The following SETD1B variants were observed in gnomAD, a reference collection of about 807,000 sequenced individuals.
SETD1B encodes the protein histone-lysine N-methyltransferase SETD1B.
Under a neutral mutation model 148.0 loss-of-function variants are expected in SETD1B, and 7 were observed. The observed-to-expected ratio is 0.05, with a 90% CI of 0.03 to 0.09. The LOEUF is 0.09. Among genes scored for constraint, SETD1B ranks in the 10% least tolerant of loss-of-function variants. SETD1B has a pLI of 1.00. For missense variants in SETD1B, 2,155 were observed against 2,729.9 expected (o/e 0.79, Z 4.69); for synonymous variants, 1,361 against 1,186.5 (o/e 1.15, Z -3.02).
Position 121,825,230 on chromosome 12 carries a change from A to G in SETD1B, c.5201A>G (p.Lys1734Arg), listed in dbSNP as rs2137584288. Residue 1734 changes from lysine to arginine, a missense_variant, in exon 13 of 17, where the codon AAA becomes AGA. Lys to Arg is a conservative substitution (Grantham distance 26). Transcript: ENST00000604567. ...AGCCTCTCTTCAGCTAAGAAGAAGA[A>G]ACGGGACGATGGCATCCGCGAGCAC... The part of the protein sequence containing the change: ...STSLSSAKKK[K>R]RDDGIREHVT... 1.3e-6 allele frequency: 2 copies of G among 1,551,702 alleles called. No individual in the cohort carries two copies. Among genetic ancestry groups the G allele is most frequent in the East Asian group, 4.9e-5 (2 of 40,920 alleles).
chr12:121,821,417 C>T (rs139899494), intron 11 of SETD1B, among the ~76,000 whole-genome samples: 133 of 138,020 alleles, frequency 9.6e-4, no homozygotes, highest in African/African-American at 2.9e-3. Context: ...CCAGCCTGGG[C>T]GATAGAGTGA....
Position 121,804,037 on chromosome 12 carries a change from C to A in SETD1B, c.-211C>A, listed in dbSNP as rs1359109417. 1 of 152,566 alleles carries A rather than the reference C, an allele frequency of 6.6e-6. No homozygotes were observed. Among genetic ancestry groups the A allele is most frequent in the African/African-American group, 2.4e-5 (1 of 41,294 alleles). The allele number at this position is 152,566 out of a possible 1,614,324, so 9.5% of individuals were successfully genotyped here. On this transcript the variant is annotated 5_prime_UTR_variant, in exon 1 of 17. Coordinates refer to ENST00000604567, the MANE Select transcript of SETD1B (RefSeq NM_001353345.2). The surrounding 1 kb of genome is among the most constrained non-coding windows in gnomAD (Gnocchi z 4.6). ...TTGTGGGATGTGCGGCTACTGGGAG[C>A]CGAGCCTCCGCCGCCAGCCGCCTCC... is the stretch of plus-strand genomic sequence containing the variant.
chr12:121,814,849 T>C lies in SETD1B; in HGVS notation c.2634T>C (p.Arg878=). ...AAGAACTCAAGGCCATCATGAAGCG[T>C]GACCTGAACCGCAAGATGGTGGAAG... The part of the protein sequence containing the change: ...VLKELKAIMK[R]DLNRKMVEVV... The change falls in exon 7 of 17, where the codon CGT becomes CGC. Residue 878 remains arginine (R), a synonymous_variant. Transcript: ENST00000604567. The C allele has an allele frequency of 6.4e-7, 1 of 1,551,564 alleles. No homozygotes were observed. Among genetic ancestry groups the C allele is most frequent in the Non-Finnish European group, 8.7e-7 (1 of 1,146,966 alleles).
At chr12:121,826,917 C>T (rs191003430) in intron 13 of SETD1B, among the ~76,000 whole-genome samples, 10 of 151,594 alleles carry the variant, frequency 6.6e-5, no homozygotes, top group East Asian at 3.9e-4. Flanking sequence ...GCTATCACCA[C>T]GAGGCAGCTT....
chr12:121,815,298 A>G (rs994592121), intron 7 of SETD1B, among the ~76,000 whole-genome samples: 3 of 152,300 alleles, frequency 2.0e-5, no homozygotes, highest in South Asian at 2.1e-4. Context: ...ATGAATTAAA[A>G]CAGAGTAAAA....
chr12:121,791,730 G>C, the SETD1B span, among the ~76,000 whole-genome samples: 1 of 152,208 alleles, frequency 6.6e-6, no homozygotes, highest in African/African-American at 2.4e-5. Flanking sequence ...AGGCTGCCCT[G>C]AACAGTGAAC....
chr12:121,814,626 C>T lies in SETD1B; in HGVS notation c.2411C>T (p.Ala804Val). ...CCCTTCATGGCCGCTGCGGCCGCCGCTGCCTCAGCTGGGCTCCAGTTTGTC... is the reference window on the plus strand; with the variant it reads ...CCCTTCATGGCCGCTGCGGCCGCCGTTGCCTCAGCTGGGCTCCAGTTTGTC... Reference protein sequence around the residue: ...YPPFMAAAAAAASAGLQFVNL... With the variant: ...YPPFMAAAAAVASAGLQFVNL... Residue 804 changes from alanine to valine, a missense_variant, in exon 7 of 17, where the codon GCT becomes GTT. Transcript: ENST00000604567. 1 of 1,545,198 alleles carries T rather than the reference C, an allele frequency of 6.5e-7. No individual in the cohort carries two copies. The highest frequency in any genetic ancestry group is 8.7e-7 in the Non-Finnish European group (1 of 1,143,620).
In SETD1B at chr12:121,810,356, G is replaced by A. The variant is rs1040615354; in HGVS notation, c.1411G>A (p.Gly471Ser). 42 of 1,546,822 alleles carry A rather than the reference G, an allele frequency of 2.7e-5. No homozygotes were observed. The highest frequency in any genetic ancestry group is 6.9e-5 in the African/African-American group (5 of 72,956). The change falls in exon 6 of 17, where the codon GGC becomes AGC. Residue 471 changes from glycine (G) to serine (S), a missense_variant. Around this residue, in one of 11 missense-constraint regions of SETD1B, gnomAD observed 376 missense variants for 385.0 expected, o/e 0.98. Transcript: ENST00000604567. This position sits in a 1 kb window ranked among gnomAD's most constrained non-coding sequence, Gnocchi z 7.6. The stretch of plus-strand genomic sequence containing the variant: ...GGAGCTGGGCGGCCGGCCCACCTTC[G>A]GCTGGAGTCCTGAGCCCTGTGACAG... ...SMELGGRPTF[G>S]WSPEPCDSPG...
At chr12:121,797,403 C>G in the SETD1B span, 5 of 452,288 alleles carry the variant, frequency 1.1e-5, no homozygotes, top group Non-Finnish European at 1.8e-5. Flanking sequence ...GGGGCGCCCT[C>G]GAGGGACCAG....
In SETD1B at chr12:121,810,116, C is replaced by T; in HGVS notation, c.1171C>T (p.Pro391Ser). The T allele has an allele frequency of 1.3e-6, 2 of 1,550,190 alleles. No homozygotes were observed. The highest frequency in any genetic ancestry group is 1.7e-4 in the Middle Eastern group (1 of 5,992). The change falls in exon 6 of 17, where the codon CCT becomes TCT. Residue 391 changes from proline to serine, a missense_variant. Coordinates refer to ENST00000604567, the MANE Select transcript of SETD1B (RefSeq NM_001353345.2). This position sits in a 1 kb window ranked among gnomAD's most constrained non-coding sequence, Gnocchi z 7.6. ...TPPPAQATPA[P>S]GFKSAFSPYQ... Reference sequence around the variant, plus strand: ...ACCACCCGCCCAAGCAACCCCTGCTCCTGGATTCAAGTCTGCTTTCTCTCC... The same window carrying T: ...ACCACCCGCCCAAGCAACCCCTGCTTCTGGATTCAAGTCTGCTTTCTCTCC...
At chr12:121,803,904 C>T (rs903334014), upstream of SETD1B, 7 of 153,762 alleles carry the variant, frequency 4.6e-5, no homozygotes, top group African/African-American at 7.2e-5. This position sits in a 1 kb window ranked among gnomAD's most constrained non-coding sequence, Gnocchi z 4.7. Context: ...CTGCCGCCGC[C>T]GGGAGAGTGC....
At position 121,817,947 on chromosome 12, in the gene SETD1B, T is replaced by G; in HGVS notation, c.3418+43T>G. ...GGCTGCCTGGCCCTCCCGGAGTCCCTCTTTCCCCGGGGCAGAGCCTGAGCA... is the reference window on the plus strand; with the variant it reads ...GGCTGCCTGGCCCTCCCGGAGTCCCGCTTTCCCCGGGGCAGAGCCTGAGCA... On this transcript the variant is annotated intron_variant, in intron 10 of 16. Transcript: ENST00000604567. The surrounding 1 kb of genome is among the most constrained non-coding windows in gnomAD (Gnocchi z 8.1). 2.0e-6 allele frequency: 3 copies of G among 1,486,226 alleles called. No individual in the cohort carries two copies. Among genetic ancestry groups the G allele is most frequent in the Non-Finnish European group, 2.7e-6 (3 of 1,113,012 alleles). The allele number at this position is 1,486,226 out of a possible 1,614,324, so 92.1% of individuals were successfully genotyped here. A position where few individuals can be genotyped will look rare whatever the true frequency, so the allele number is the denominator to read the frequency against.
intron 6 of SETD1B, among the ~76,000 whole-genome samples, chr12:121,812,165 G>A (rs1876064914): frequency 6.6e-6 from 1 of 152,168 alleles, no homozygotes; most frequent in African/African-American, 2.4e-5. Flanking sequence ...TGGCGCCGGG[G>A]AATAGCGCCT....
At chr12:121,827,278 G>A (rs954900464) in intron 13 of SETD1B, among the ~76,000 whole-genome samples, 4 of 152,206 alleles carry the variant, frequency 2.6e-5, no homozygotes, top group Non-Finnish European at 2.9e-5. Context: ...GGCTGAAATG[G>A]GGAAAAGACA....
At chr12:121,816,505 T>G (rs948526722) in intron 7 of SETD1B, among the ~76,000 whole-genome samples, 11 of 152,364 alleles carry the variant, frequency 7.2e-5, no homozygotes, top group Admixed American at 3.9e-4. Flanking sequence ...ATTCACAATT[T>G]GAATAAAAAG....
chr12:121,803,586 A>G (rs1875518749), upstream of SETD1B: 1 of 151,916 alleles, frequency 6.6e-6, no homozygotes, highest in African/African-American at 2.4e-5. This position sits in a 1 kb window ranked among gnomAD's most constrained non-coding sequence, Gnocchi z 4.7. Flanking sequence ...CCCAGCGTCC[A>G]CACACACCCT....
intron 16 of SETD1B, among the ~76,000 whole-genome samples, chr12:121,828,691 G>A (rs1003819481): frequency 1.3e-5 from 2 of 152,254 alleles, no homozygotes; most frequent in African/African-American, 2.4e-5. Flanking sequence ...GGCATGTTCC[G>A]GGGTGGATGC....
chr12:121,799,721 G>GGGGGGGGGT, upstream of SETD1B: 1 of 129,852 alleles, frequency 7.7e-6, no homozygotes, highest in Admixed American at 7.4e-5. Context: ...CGCAGCTGGG[G>GGGGGGGGGT]GGGGGGGGGT....
intron 11 of SETD1B, among the ~76,000 whole-genome samples, 154 bp from the exon 12 acceptor site, chr12:121,822,336 C>T (rs964402422): frequency 2.0e-5 from 3 of 152,150 alleles, no homozygotes; most frequent in African/African-American, 4.8e-5. Context: ...CTGGGTTGGG[C>T]GCTGAGGAGT....
Sources: allele counts gnomAD v4.1 joint callset (sites outside exome capture counted in the v4.1 genomes callset), GRCh38; gene constraint gnomAD v4.1.1; regional missense constraint gnomAD v4.1.1; non-coding constraint Gnocchi (gnomAD v3.1); transcripts MANE v1.5; gene names NCBI Gene and HGNC (gene_info 2026-07-23, HGNC 2026-07-21).